Variants in EYS observed in about 807,000 individuals in gnomAD.
EYS encodes the protein EGF-like photoreceptor maintenance factor, also known as protein eyes shut homolog.
In EYS, 250 loss-of-function variants were observed where a neutral mutation model predicts 282.1. That is an observed-to-expected ratio of 0.89 (90% confidence interval 0.80 to 0.98). The LOEUF is 0.98. Among genes scored for constraint, EYS ranks in the 50% least tolerant of loss-of-function variants. The pLI is 0.00. For missense variants in EYS, 4,016 were observed against 3,709.0 expected (o/e 1.08, Z -2.15); for synonymous variants, 1,355 against 1,282.9 (o/e 1.06, Z -1.20).
At chr6:64,394,687 AACCTGGGCATT>A (rs1773293756) in intron 28 of EYS, among the ~76,000 whole-genome samples, 1 of 152,090 alleles carries the variant, frequency 6.6e-6, no homozygotes, top group African/African-American at 2.4e-5. Context: ...CCTAGAAGAA[AACCTGGGCATT>A]ACCATTCAGG....
chr6:65,257,449 A>G (rs1487691747), intron 12 of EYS, among the ~76,000 whole-genome samples: 1 of 129,558 alleles, frequency 7.7e-6, no homozygotes, highest in East Asian at 2.0e-4. Flanking sequence ...ATTTTTGTAT[A>G]AGGTGTAAGG....
intron 22 of EYS, among the ~76,000 whole-genome samples, chr6:64,710,453 A>G (rs1191345742): frequency 1.3e-5 from 2 of 152,338 alleles, no homozygotes; most frequent in African/African-American, 4.8e-5. Context: ...TCCTTCATCC[A>G]GTTAAAGGGT....
chr6:64,102,631 T>A (rs556664038), intron 31 of EYS, among the ~76,000 whole-genome samples: 46 of 152,244 alleles, frequency 3.0e-4, no homozygotes, highest in Middle Eastern at 3.4e-3. Flanking sequence ...TCAAAATGAG[T>A]TTAGTATTTT....
At chr6:63,900,388 C>T (rs978542528) in intron 35 of EYS, among the ~76,000 whole-genome samples, 3 of 152,066 alleles carry the variant, frequency 2.0e-5, no homozygotes, top group Admixed American at 6.5e-5. Flanking sequence ...GTGTGAAGTC[C>T]AAGAGAAATC....
intron 26 of EYS, among the ~76,000 whole-genome samples, chr6:64,585,517 T>C (rs1226913465): frequency 1.3e-5 from 2 of 152,142 alleles, no homozygotes. Context: ...TGCAATTCTA[T>C]GTGGTTATTC....
At chr6:64,808,192 TA>T (rs1225792036) in intron 22 of EYS, among the ~76,000 whole-genome samples, 2 of 151,988 alleles carry the variant, frequency 1.3e-5, no homozygotes, top group Non-Finnish European at 2.9e-5. Flanking sequence ...ATTTACAGTA[TA>T]AAACATGCTT....
At chr6:64,025,937 A>G (rs560665783) in intron 33 of EYS, among the ~76,000 whole-genome samples, 24 of 152,328 alleles carry the variant, frequency 1.6e-4, no homozygotes, top group South Asian at 6.2e-4. Flanking sequence ...AGTAAGGGCC[A>G]ATAAATCCGA....
intron 2 of EYS, among the ~76,000 whole-genome samples, chr6:65,502,013 A>T (rs1333225813): frequency 6.6e-6 from 1 of 151,712 alleles, no homozygotes; most frequent in Non-Finnish European, 1.5e-5. Flanking sequence ...GGTCTTATAG[A>T]TTATTGATTT....
chr6:65,676,140 C>G (rs987968513), intron 1 of EYS, among the ~76,000 whole-genome samples: 10 of 151,638 alleles, frequency 6.6e-5, no homozygotes, highest in Non-Finnish European at 1.3e-4. Context: ...AAAGGTATCT[C>G]AAATAAACAA....
chr6:64,378,984 G>A (rs987462575), intron 29 of EYS, among the ~76,000 whole-genome samples: 12 of 152,088 alleles, frequency 7.9e-5, no homozygotes, highest in African/African-American at 4.8e-5. Flanking sequence ...TTCTGTCTTC[G>A]AAGGAGCAGT....
At chr6:64,334,476 A>G (rs1485921119) in intron 29 of EYS, among the ~76,000 whole-genome samples, 8 of 152,218 alleles carry the variant, frequency 5.3e-5, no homozygotes, top group Non-Finnish European at 1.2e-4. Flanking sequence ...GGAGCTGGAA[A>G]GATAATGAAT....
intron 22 of EYS, among the ~76,000 whole-genome samples, chr6:64,678,388 G>T (rs974160490): frequency 6.6e-6 from 1 of 152,062 alleles, no homozygotes; most frequent in Non-Finnish European, 1.5e-5. Context: ...GGACAGCCTG[G>T]CCAACATGGC....
intron 13 of EYS, among the ~76,000 whole-genome samples, chr6:65,024,320 A>G (rs1772333382): frequency 1.3e-5 from 2 of 152,194 alleles, no homozygotes; most frequent in South Asian, 2.1e-4. Flanking sequence ...CACCCCAGGT[A>G]CTATTTTAAG....
chr6:64,031,928 TG>T (rs1393479933), intron 33 of EYS, among the ~76,000 whole-genome samples: 1 of 152,130 alleles, frequency 6.6e-6, no homozygotes, highest in African/African-American at 2.4e-5. Context: ...CAACCTGCTC[TG>T]GTCCCCTTCC....
intron 22 of EYS, among the ~76,000 whole-genome samples, chr6:64,718,698 C>T (rs1346034873): frequency 8.5e-5 from 13 of 152,148 alleles, no homozygotes; most frequent in Non-Finnish European, 1.8e-4. Flanking sequence ...TGATCCTCTT[C>T]AGTACTCCCT....
chr6:64,155,205 T>G (rs1774876706), intron 31 of EYS, among the ~76,000 whole-genome samples: 1 of 152,212 alleles, frequency 6.6e-6, no homozygotes, highest in Non-Finnish European at 1.5e-5. Context: ...CAGGATTTAA[T>G]GTTGTACTGT....
chr6:64,452,611 C>G (rs1211718817), intron 26 of EYS, among the ~76,000 whole-genome samples: 2 of 152,110 alleles, frequency 1.3e-5, no homozygotes, highest in African/African-American at 4.8e-5. Flanking sequence ...TCAAACTATA[C>G]TACAAGGCTA....
At chr6:65,593,592 C>T (rs1765305273) in intron 2 of EYS, among the ~76,000 whole-genome samples, 1 of 151,954 alleles carries the variant, frequency 6.6e-6, no homozygotes, top group African/African-American at 2.4e-5. Context: ...TATGCATACA[C>T]TATTGAAAAC....
intron 19 of EYS, among the ~76,000 whole-genome samples, chr6:64,826,918 C>T (rs1289770861): frequency 1.3e-5 from 2 of 151,586 alleles, no homozygotes; most frequent in Non-Finnish European, 2.9e-5. Flanking sequence ...AATGTAGTCT[C>T]CCTAGCCTAA....
Sources: allele counts gnomAD v4.1 joint callset (sites outside exome capture counted in the v4.1 genomes callset), GRCh38; gene constraint gnomAD v4.1.1; transcripts MANE v1.5; gene names NCBI Gene and HGNC (gene_info 2026-07-23, HGNC 2026-07-21).